ACBD6: variants seen among roughly 807,000 people sequenced by gnomAD.
The protein encoded by ACBD6 is acyl-CoA binding domain containing 6, also known as acyl-CoA-binding domain-containing protein 6.
Under a neutral mutation model 37.2 loss-of-function variants are expected in ACBD6, and 28 were observed. That is an observed-to-expected ratio of 0.75 (90% CI 0.56 to 1.03). ACBD6 has a LOEUF of 1.03. Ranked by LOEUF, ACBD6 falls within the 50% of genes least tolerant of loss-of-function variation. The pLI, the probability that ACBD6 is intolerant of heterozygous loss-of-function variation, is 0.00. For synonymous variants in ACBD6, 113 were observed against 126.8 expected, an observed-to-expected ratio of 0.89 and a Z score of 0.73; for missense variants, 340 against 337.4, an observed-to-expected ratio of 1.01 and a Z score of -0.06.
intron 3 of ACBD6, chr1:180,435,161 C>T: frequency 1.4e-6 from 1 of 699,438 alleles, no homozygotes; most frequent in Non-Finnish European, 2.7e-6. Context: ...AGCACATTAA[C>T]CTGGGCTGCG....
intron 5 of ACBD6, among the ~76,000 whole-genome samples, chr1:180,405,506 T>G (rs115926878): frequency 6.6e-6 from 1 of 152,264 alleles, no homozygotes; most frequent in South Asian, 2.1e-4. Flanking sequence ...GGAAAACCAA[T>G]GAACTATGTA....
rs775113104 is a variant in ACBD6, at chr1:180,288,444, C to A, written c.768G>T (p.Gln256His). The change falls in exon 8 of 8, where the codon CAG becomes CAT. Residue 256 changes from glutamine to histidine, a missense_variant. Coordinates refer to ENST00000367595, the MANE Select transcript of ACBD6 (RefSeq NM_032360.4). ...TCACCTCCTCTGGCAGGCAGCCATC[C>A]TGGTCTCGGAGAGTGGGGTCAGCAC... is the stretch of plus-strand genomic sequence containing the variant. Reference protein sequence around the residue: ...QSGADPTLRDQDGCLPEEVTG... With the variant: ...QSGADPTLRDHDGCLPEEVTG... 6.2e-7 allele frequency: 1 copy of A among 1,613,782 alleles called. No individual in the cohort carries two copies. Among genetic ancestry groups the A allele is most frequent in the East Asian group, 2.2e-5 (1 of 44,872 alleles).
intron 6 of ACBD6, among the ~76,000 whole-genome samples, chr1:180,323,066 TG>T (rs1296618430): frequency 1.3e-5 from 2 of 151,904 alleles, no homozygotes; most frequent in African/African-American, 2.4e-5. Context: ...TTTTCACCAT[TG>T]TTAAAGAAAT....
rs79043389 is a variant in ACBD6 at position 180,401,987 on chromosome 1, T to C, written c.574-4382A>G. 7.5e-3 allele frequency among the ~76,000 whole-genome samples: 1,140 copies of C among 152,242 alleles called. 19 individuals carry two copies. The highest frequency in any genetic ancestry group is 0.027 in the African/African-American group (1,110 of 41,538). On this transcript the variant is annotated intron_variant, in intron 5 of 7. Coordinates refer to ENST00000367595, the MANE Select transcript of ACBD6 (RefSeq NM_032360.4). ...GTCCTGTCATTCTATCAAACACATA[T>C]AGTATATGGTATGGTACTGTCTAAT...
At chr1:180,315,398 G>C (rs1299136190) in intron 6 of ACBD6, among the ~76,000 whole-genome samples, 1 of 152,148 alleles carries the variant, frequency 6.6e-6, no homozygotes, top group African/African-American at 2.4e-5. Context: ...TTAAAACTGA[G>C]AGCAGCTAAT....
intron 6 of ACBD6, among the ~76,000 whole-genome samples, chr1:180,394,150 GT>G (rs1284876843): frequency 6.6e-6 from 1 of 152,158 alleles, no homozygotes; most frequent in East Asian, 1.9e-4. Flanking sequence ...ATGGAATGCA[GT>G]GGCACAATCA....
At chr1:180,329,149 C>T (rs1651374855) in intron 6 of ACBD6, among the ~76,000 whole-genome samples, 1 of 152,178 alleles carries the variant, frequency 6.6e-6, no homozygotes, top group African/African-American at 2.4e-5. Context: ...ACATCACAAA[C>T]TGATTATATC....
At chr1:180,379,112 C>T (rs1653549812) in intron 6 of ACBD6, among the ~76,000 whole-genome samples, 1 of 152,198 alleles carries the variant, frequency 6.6e-6, no homozygotes, top group Non-Finnish European at 1.5e-5. Flanking sequence ...TCACTAACAA[C>T]TGTATGCTAA....
intron 7 of ACBD6, among the ~76,000 whole-genome samples, chr1:180,297,476 A>G (rs748958532): frequency 6.6e-6 from 1 of 152,146 alleles, no homozygotes; most frequent in Non-Finnish European, 1.5e-5. Flanking sequence ...CAAGATACAG[A>G]TATTAATATC....
At chr1:180,465,711 G>A (rs1304377530) in intron 3 of ACBD6, among the ~76,000 whole-genome samples, 1 of 152,114 alleles carries the variant, frequency 6.6e-6, no homozygotes, top group African/African-American at 2.4e-5. Flanking sequence ...ACATGCATAT[G>A]AATGTTCACT....
chr1:180,303,664 T>C (rs1038055331), intron 7 of ACBD6, among the ~76,000 whole-genome samples: 4 of 150,790 alleles, frequency 2.7e-5, no homozygotes, highest in Admixed American at 1.3e-4. Flanking sequence ...CACAGCCGAA[T>C]TCCACCAGAG....
At chr1:180,355,903 T>C (rs1158093681) in intron 6 of ACBD6, among the ~76,000 whole-genome samples, 2 of 152,090 alleles carry the variant, frequency 1.3e-5, no homozygotes, top group Non-Finnish European at 2.9e-5. Flanking sequence ...AGTCTTGCTC[T>C]GTTGCCCAGG....
intron 3 of ACBD6, among the ~76,000 whole-genome samples, chr1:180,434,085 G>A (rs1475654551): frequency 6.6e-6 from 1 of 152,070 alleles, no homozygotes; most frequent in Non-Finnish European, 1.5e-5. Context: ...CTCAGCTAAG[G>A]TTTCTCCAAA....
intron 6 of ACBD6, among the ~76,000 whole-genome samples, chr1:180,392,593 A>C (rs1439182504): frequency 6.6e-6 from 1 of 152,126 alleles, no homozygotes; most frequent in Non-Finnish European, 1.5e-5. Context: ...AGCATAATAT[A>C]TGCACATTAT....
chr1:180,394,764 A>G (rs1299451382), intron 6 of ACBD6, among the ~76,000 whole-genome samples: 3 of 152,208 alleles, frequency 2.0e-5, no homozygotes, highest in Admixed American at 6.5e-5. Context: ...GGACAAAAAT[A>G]AAGTTGGCAC....
At chr1:180,470,775 T>TA (rs1319816852) in intron 3 of ACBD6, among the ~76,000 whole-genome samples, 30 of 152,330 alleles carry the variant, frequency 2.0e-4, no homozygotes, top group Admixed American at 1.8e-3. Context: ...TTTCATCATA[T>TA]CCGGGCATTA....
chr1:180,393,852 C>T (rs770794780), intron 6 of ACBD6, among the ~76,000 whole-genome samples: 1 of 152,192 alleles, frequency 6.6e-6, no homozygotes, highest in Non-Finnish European at 1.5e-5. Flanking sequence ...AACATTGTGG[C>T]AGGCATATAA....
chr1:180,319,025 G>T (rs1446537837), intron 6 of ACBD6, among the ~76,000 whole-genome samples: 3 of 152,114 alleles, frequency 2.0e-5, no homozygotes, highest in Non-Finnish European at 2.9e-5. Context: ...TGTGGTGGGA[G>T]AATTTTGAGA....
At chr1:180,299,780 G>A (rs1368724966) in intron 7 of ACBD6, among the ~76,000 whole-genome samples, 2 of 152,022 alleles carry the variant, frequency 1.3e-5, no homozygotes, top group Non-Finnish European at 2.9e-5. Flanking sequence ...TCCCAGTGGA[G>A]GAAGAGGAGG....
Sources: allele counts gnomAD v4.1 joint callset (sites outside exome capture counted in the v4.1 genomes callset), GRCh38; gene constraint gnomAD v4.1.1; transcripts MANE v1.5; gene names NCBI Gene and HGNC (gene_info 2026-07-23, HGNC 2026-07-21).